The following SMARCC1 variants were observed in gnomAD, a reference collection of about 807,000 sequenced individuals.
The protein encoded by SMARCC1 is SWI/SNF complex subunit SMARCC1.
In SMARCC1, 43 loss-of-function variants were observed where a neutral mutation model predicts 147.4. The observed-to-expected ratio is 0.29, with a 90% CI of 0.23 to 0.38. The LOEUF (loss-of-function observed/expected upper bound fraction) is 0.38, where lower values mean the gene tolerates loss of function less well. Among genes scored for constraint, SMARCC1 ranks in the 10% least tolerant of loss-of-function variants. The pLI, the probability that SMARCC1 is intolerant of heterozygous loss-of-function variation, is 1.00. For synonymous variants in SMARCC1, 495 were observed against 484.4 expected (o/e 1.02, Z -0.29); for missense variants, 1,119 against 1,381.1 (o/e 0.81, Z 3.01).
intron 2 of SMARCC1, among the ~76,000 whole-genome samples, chr3:47,759,410 C>T (rs1409446253): frequency 4.1e-5 from 6 of 144,966 alleles, no homozygotes; most frequent in Admixed American, 2.1e-4. Context: ...ATCACAAGGT[C>T]GGGAGTTCAA....
At chr3:47,740,030 C>G (rs1347747503) in intron 3 of SMARCC1, among the ~76,000 whole-genome samples, 2 of 151,532 alleles carry the variant, frequency 1.3e-5, no homozygotes, top group African/African-American at 4.9e-5. Flanking sequence ...GTGTGCTCCA[C>G]GACACCCAGG....
intron 19 of SMARCC1, among the ~76,000 whole-genome samples, chr3:47,669,712 A>C (rs2033471275): frequency 6.6e-6 from 1 of 152,206 alleles, no homozygotes; most frequent in African/African-American, 2.4e-5. Context: ...AGAACCAGAA[A>C]ACAGCAAGAA....
intron 5 of SMARCC1, among the ~76,000 whole-genome samples, chr3:47,734,507 T>G (rs2034416953): frequency 6.6e-6 from 1 of 152,184 alleles, no homozygotes; most frequent in African/African-American, 2.4e-5. Context: ...AAAAGACATT[T>G]CATGAGGCTT....
At chr3:47,679,685 A>G (rs1270482036) in intron 15 of SMARCC1, among the ~76,000 whole-genome samples, 1 of 152,072 alleles carries the variant, frequency 6.6e-6, no homozygotes, top group African/African-American at 2.4e-5. Context: ...AACATGGTGA[A>G]ACCCAATCTC....
Position 47,619,168 on chromosome 3 carries a change from T to C in SMARCC1, c.2781+3039A>G, listed in dbSNP as rs188643385. Among the ~76,000 whole-genome samples the C allele has an allele frequency of 7.3e-4, 111 of 152,354 alleles. 1 individual carries two copies. The highest frequency in any genetic ancestry group is 4.1e-4 in the Non-Finnish European group (28 of 68,028). On this transcript the variant is annotated intron_variant, in intron 25 of 27. Coordinates refer to ENST00000254480, the MANE Select transcript of SMARCC1 (RefSeq NM_003074.4). ...TGGGAACTCCTCCTTTCTGTTCCCA[T>C]AGCAGCATCTGTACAACTGCTGTAC...
chr3:47,715,097 T>C (rs1390086363), intron 7 of SMARCC1, among the ~76,000 whole-genome samples: 1 of 152,202 alleles, frequency 6.6e-6, no homozygotes, highest in Non-Finnish European at 1.5e-5. Flanking sequence ...TAGTCCCAAA[T>C]GTCTTCAACC....
intron 3 of SMARCC1, among the ~76,000 whole-genome samples, chr3:47,742,691 T>C (rs1023836855): frequency 2.6e-5 from 4 of 152,162 alleles, no homozygotes; most frequent in African/African-American, 9.7e-5. Context: ...CAAGTGATCC[T>C]CCCACCTCAG....
intron 21 of SMARCC1, among the ~76,000 whole-genome samples, chr3:47,646,288 C>T (rs1319365441): frequency 6.6e-6 from 1 of 152,194 alleles, no homozygotes; most frequent in Non-Finnish European, 1.5e-5. Context: ...AAAAGTCTCT[C>T]TTTGGTCTAA....
chr3:47,676,584 C>A, intron 17 of SMARCC1, 45 bp downstream of exon 17: 1 of 1,471,266 alleles, frequency 6.8e-7, no homozygotes, highest in South Asian at 1.2e-5. Context: ...TATAAATGGC[C>A]ATTTGTTACT....
At chr3:47,656,684 A>C (rs1043484402) in intron 21 of SMARCC1, among the ~76,000 whole-genome samples, 3 of 152,082 alleles carry the variant, frequency 2.0e-5, no homozygotes, top group African/African-American at 7.2e-5. Context: ...GGAGGCAGAC[A>C]TGGGTGGATC....
chr3:47,708,074 ATTTTTTTTCTTTT>A (rs2034032041), intron 9 of SMARCC1, among the ~76,000 whole-genome samples: 1 of 41,624 alleles, frequency 2.4e-5, no homozygotes, highest in African/African-American at 7.2e-5. Flanking sequence ...CTGAAGTTGA[ATTTTTTTTCTTTT>A]TTTTTTTTTT....
Position 47,588,711 on chromosome 3 carries a change from C to CG in SMARCC1, c.3221-406_3221-405insC, listed in dbSNP as rs1320531423. Among the ~76,000 whole-genome samples, 12 of 116,064 alleles carry CG rather than the reference C, an allele frequency of 1.0e-4. 1 individual carries two copies. In the South Asian group the frequency reaches 1.9e-3, roughly 18 times the overall value. The allele number at this position is 116,064 out of a possible 152,430, so 76.1% of individuals were successfully genotyped here. On this transcript the variant is annotated intron_variant, in intron 27 of 27. Coordinates refer to ENST00000254480, the MANE Select transcript of SMARCC1 (RefSeq NM_003074.4). ...GTCTTGTTTTTCTTCCCGCCCCCCC[C>CG]CCGCCCCCACAGTCCCTAGCCTAGC...
intron 17 of SMARCC1, 36 bp from the exon 18 acceptor site, chr3:47,675,624 T>A: frequency 8.8e-7 from 1 of 1,135,684 alleles, no homozygotes. Flanking sequence ...TGAGTTAGCC[T>A]CTTTAAAGTC....
At chr3:47,623,929 G>A (rs750452757) in intron 24 of SMARCC1, among the ~76,000 whole-genome samples, 17 of 150,204 alleles carry the variant, frequency 1.1e-4, no homozygotes, top group Non-Finnish European at 1.8e-4. Context: ...TGGGGGGAGC[G>A]GTAGGTGGAA....
intron 7 of SMARCC1, among the ~76,000 whole-genome samples, chr3:47,716,447 T>C (rs781060225): frequency 5.4e-5 from 8 of 147,192 alleles, no homozygotes; most frequent in East Asian, 4.0e-4. Flanking sequence ...AAACCCAACC[T>C]TATACTCTTC....
chr3:47,613,727 C>T (rs1193533615), intron 25 of SMARCC1, among the ~76,000 whole-genome samples: 2 of 152,082 alleles, frequency 1.3e-5, no homozygotes, highest in Non-Finnish European at 2.9e-5. Flanking sequence ...TAGGCTCCAG[C>T]GAACCCAGTT....
At chr3:47,694,237 C>T (rs2033822021) in intron 11 of SMARCC1, among the ~76,000 whole-genome samples, 1 of 152,124 alleles carries the variant, frequency 6.6e-6, no homozygotes, top group Non-Finnish European at 1.5e-5. Flanking sequence ...TTTGTGGGTG[C>T]ATGCAATTAT....
intron 18 of SMARCC1, 140 bp from the exon 19 acceptor site, chr3:47,670,857 T>C (rs1373490479): frequency 3.1e-6 from 2 of 650,204 alleles, no homozygotes; most frequent in Non-Finnish European, 2.8e-6. Context: ...TAAAACACTT[T>C]AAGGAGCCTA....
chr3:47,744,653 C>T (rs896798977), intron 3 of SMARCC1, among the ~76,000 whole-genome samples: 3 of 152,020 alleles, frequency 2.0e-5, no homozygotes, highest in Admixed American at 1.3e-4. Flanking sequence ...ACTGAAAATA[C>T]CAAACAATTT....
Sources: allele counts gnomAD v4.1 joint callset (sites outside exome capture counted in the v4.1 genomes callset), GRCh38; gene constraint gnomAD v4.1.1; transcripts MANE v1.5; gene names NCBI Gene and HGNC (gene_info 2026-07-23, HGNC 2026-07-21).